The following ORC2 variants were observed in gnomAD, a reference collection of about 807,000 sequenced individuals.
The protein encoded by ORC2 is origin recognition complex protein 2 homolog.
A neutral mutation model predicts 77.7 loss-of-function variants in ORC2; 37 were observed. The ratio of observed to expected loss-of-function variants is 0.48; its 90% CI spans 0.37 to 0.63. ORC2 has a LOEUF of 0.63. Among genes scored for constraint, ORC2 ranks in the 20% least tolerant of loss-of-function variants. The pLI is 0.00. For synonymous variants in ORC2, 201 were observed against 229.5 expected (o/e 0.88, Z 1.12); for missense variants, 557 against 661.9 (o/e 0.84, Z 1.74).
At chr2:200,954,582 C>G (rs2041430382) in intron 4 of ORC2, among the ~76,000 whole-genome samples, 1 of 152,174 alleles carries the variant, frequency 6.6e-6, no homozygotes, top group Non-Finnish European at 1.5e-5. Context: ...GTTCCACGTT[C>G]TCTAAAGCAG....
At chr2:200,935,411 C>CT (rs1267233523) in intron 9 of ORC2, among the ~76,000 whole-genome samples, 1 of 152,242 alleles carries the variant, frequency 6.6e-6, no homozygotes. Flanking sequence ...GCATGAGCCA[C>CT]TGTGCCCAGC....
intron 7 of ORC2, among the ~76,000 whole-genome samples, chr2:200,939,221 T>C (rs2041103827): frequency 6.6e-6 from 1 of 152,188 alleles, no homozygotes; most frequent in Non-Finnish European, 1.5e-5. Context: ...TTTAAAATTC[T>C]GTTCTACTTC....
Position 200,935,688 on chromosome 2 carries a change from T to A in ORC2, c.708+11A>T. ...TTTTTCTTTAAGGTTAAAGTCTCTC[T>A]CTTCACTTACTGTTTTATCTCTTTT... On this transcript the variant is annotated intron_variant, in intron 9 of 17. Coordinates refer to ENST00000234296, the MANE Select transcript of ORC2 (RefSeq NM_006190.5). 6.3e-7 allele frequency: 1 copy of A among 1,580,002 alleles called. No individual in the cohort carries two copies. Among genetic ancestry groups the A allele is most frequent in the Non-Finnish European group, 8.6e-7 (1 of 1,163,522 alleles).
intron 10 of ORC2, among the ~76,000 whole-genome samples, chr2:200,932,075 C>G (rs564797035): frequency 6.6e-6 from 1 of 152,178 alleles, no homozygotes; most frequent in East Asian, 1.9e-4. Flanking sequence ...ATTAGAGTTG[C>G]GATAAATATT....
At chr2:200,963,349 C>T (rs771047890) in intron 1 of ORC2, 141 bp downstream of exon 1, 9 of 397,796 alleles carry the variant, frequency 2.3e-5, no homozygotes, top group Non-Finnish European at 4.0e-5. Context: ...GCCCCAAGTG[C>T]CGAGGGAAAG....
rs567929705 is a variant in ORC2, at chr2:200,943,932, C to T, written c.329-1155G>A. On this transcript the variant is annotated intron_variant, in intron 5 of 17. Transcript: ENST00000234296. ...CACTGTCCTCAGCCTCCTCAACATT[C>T]TAGGCATACTTAAGGCTCAGTCCTT... Among the ~76,000 whole-genome samples the T allele has an allele frequency of 2.0e-4, 31 of 151,750 alleles. No individual in the cohort carries two copies. In the South Asian group the frequency reaches 6.4e-3, roughly 31 times the overall value.
At chr2:200,947,551 A>G (rs2041272037) in intron 5 of ORC2, among the ~76,000 whole-genome samples, 1 of 152,184 alleles carries the variant, frequency 6.6e-6, no homozygotes, top group African/African-American at 2.4e-5. Context: ...TTTTTCAACT[A>G]TTACATTTAC....
At chr2:200,916,275 G>A (rs1289703207) in intron 15 of ORC2, among the ~76,000 whole-genome samples, 1 of 152,112 alleles carries the variant, frequency 6.6e-6, no homozygotes, top group African/African-American at 2.4e-5. Flanking sequence ...TTGAGGTCAA[G>A]AGTTCAAGAC....
intron 15 of ORC2, among the ~76,000 whole-genome samples, chr2:200,918,416 C>G (rs2040695624): frequency 6.6e-6 from 1 of 151,300 alleles, no homozygotes; most frequent in South Asian, 2.1e-4. Flanking sequence ...AGTGTCCCTT[C>G]ATTGCTCTTT....
chr2:200,913,979 G>C lies in ORC2; in HGVS notation c.1480C>G (p.Leu494Val), dbSNP rs1466952747. 1.3e-6 allele frequency: 2 copies of C among 1,545,812 alleles called. No homozygotes were observed. Among genetic ancestry groups the C allele is most frequent in the Non-Finnish European group, 1.8e-6 (2 of 1,141,434 alleles). Residue 494 changes from leucine to valine, a missense_variant, in exon 16 of 18, where the codon CTA (leucine) becomes GTA (valine). Coordinates refer to ENST00000234296, the MANE Select transcript of ORC2 (RefSeq NM_006190.5). ...TTGTCCAGCTGGTATTTTATTAGTA[G>C]CCTGAAAATTCCCCTAAAAAAAAAA... The part of the protein sequence containing the change: ...LTPNARGIFR[L>V]LIKYQLDNQD...
Position 200,926,852 on chromosome 2 carries a change from TA to T in ORC2, c.965del (p.Leu322TyrfsTer2). The T allele has an allele frequency of 6.2e-7, 1 of 1,613,620 alleles. No homozygotes were observed. The highest frequency in any genetic ancestry group is 1.3e-5 in the African/African-American group (1 of 75,052). Reference sequence around the variant, plus strand: ...GCATAGTGGTTCGAAACCTTTCTAGTAAATCTCTCTTAGAACCCAAACCATA... The same window carrying T: ...GCATAGTGGTTCGAAACCTTTCTAGTAATCTCTCTTAGAACCCAAACCATA... ...VLYGLGSKRD[L>X]LERFRTTMLQ... On this transcript the variant is annotated frameshift_variant, in exon 12 of 18. Coordinates refer to ENST00000234296, the MANE Select transcript of ORC2 (RefSeq NM_006190.5). LOFTEE classifies it high-confidence loss of function.
intron 15 of ORC2, 151 bp from the exon 16 acceptor site, chr2:200,914,143 T>TA (rs1381292940): frequency 1.9e-6 from 1 of 534,024 alleles, no homozygotes. Context: ...CTTGCCTACT[T>TA]AAACAGAAAG....
intron 5 of ORC2, chr2:200,943,158 G>C (rs754802826): frequency 1.4e-4 from 22 of 155,740 alleles, no homozygotes; most frequent in Non-Finnish European, 2.6e-4. Context: ...CTAAAATCAA[G>C]TGAAAACTGT....
At chr2:200,913,827 C>T (rs2040592555) in intron 16 of ORC2, 104 bp downstream of exon 16, 30 of 1,454,726 alleles carry the variant, frequency 2.1e-5, no homozygotes, top group Admixed American at 9.0e-5. Flanking sequence ...TGACCACTTA[C>T]TCACTGCTGT....
intron 15 of ORC2, among the ~76,000 whole-genome samples, chr2:200,915,223 G>C (rs764074250): frequency 6.6e-6 from 1 of 151,750 alleles, no homozygotes; most frequent in African/African-American, 2.4e-5. Flanking sequence ...ATGTTGGTCA[G>C]GCTGGTCTTG....
In ORC2 at chr2:200,925,920, T is replaced by C. The variant is rs145235815; in HGVS notation, c.1063A>G (p.Ile355Val). 5 of 1,563,972 alleles carry C rather than the reference T, an allele frequency of 3.2e-6. No homozygotes were observed. In the South Asian group the frequency reaches 3.4e-5, roughly 11 times the overall value. Residue 355 changes from isoleucine (I) to valine (V), a missense_variant, in exon 13 of 18, where the codon ATA becomes GTA. Ile to Val is a conservative substitution (Grantham distance 29). Coordinates refer to ENST00000234296, the MANE Select transcript of ORC2 (RefSeq NM_006190.5). Reference sequence around the variant, plus strand: ...ATATGATCGAGGACTTCTTCTGTTATAGAATTCAGGACCTATATCATGAAT... The same window carrying C: ...ATATGATCGAGGACTTCTTCTGTTACAGAATTCAGGACCTATATCATGAAT... Reference protein sequence around the residue: ...GISVKSVLNSITEEVLDHMGT... With the variant: ...GISVKSVLNSVTEEVLDHMGT...
At chr2:200,954,896 G>GAATAAATA (rs1431603222) in intron 4 of ORC2, among the ~76,000 whole-genome samples, 2 of 134,740 alleles carry the variant, frequency 1.5e-5, no homozygotes, top group South Asian at 2.2e-4. Flanking sequence ...ATGAATGAAT[G>GAATAAATA]AATGAATGAA....
At chr2:200,948,466 G>A (rs1231054195) in intron 5 of ORC2, among the ~76,000 whole-genome samples, 1 of 152,160 alleles carries the variant, frequency 6.6e-6, no homozygotes, top group East Asian at 1.9e-4. Context: ...ACTCAAGTAA[G>A]AAAAATGTTA....
chr2:200,931,429 A>G lies in ORC2; in HGVS notation c.827T>C (p.Leu276Ser), dbSNP rs994227818. 2.6e-6 allele frequency: 4 copies of G among 1,554,558 alleles called. No individual in the cohort carries two copies. The highest frequency in any genetic ancestry group is 1.4e-5 in the African/African-American group (1 of 70,704). The part of the protein sequence containing the change: ...KLDQQTLRNL[L>S]SKVSPSFSAE... ...AGAAAAGGAAGGGGAAACCTTGCTC[A>G]ATAAGTTACGCAAAGTTTGCTTTAA... is the stretch of plus-strand genomic sequence containing the variant. The change falls in exon 11 of 18, where the codon TTG becomes TCG. Residue 276 changes from leucine (L) to serine (S), a missense_variant. Coordinates refer to ENST00000234296, the MANE Select transcript of ORC2 (RefSeq NM_006190.5).
Sources: allele counts gnomAD v4.1 joint callset (sites outside exome capture counted in the v4.1 genomes callset), GRCh38; gene constraint gnomAD v4.1.1; transcripts MANE v1.5; gene names NCBI Gene and HGNC (gene_info 2026-07-23, HGNC 2026-07-21).